Variants in PPP1R2 observed in about 807,000 individuals in gnomAD.
PPP1R2 encodes protein phosphatase inhibitor 2.
Under a neutral mutation model 29.9 loss-of-function variants are expected in PPP1R2, and 16 were observed. The ratio of observed to expected loss-of-function variants is 0.53; its 90% CI spans 0.36 to 0.81. The LOEUF is 0.81. PPP1R2 is among the 30% of genes least tolerant of loss of function. PPP1R2 has a pLI of 0.00. For missense variants in PPP1R2, 197 were observed against 252.7 expected, an observed-to-expected ratio of 0.78 and a Z score of 1.49; for synonymous variants, 76 against 91.5, an observed-to-expected ratio of 0.83 and a Z score of 0.96.
At chr3:195,540,690 G>A (rs907443376) in intron 1 of PPP1R2, among the ~76,000 whole-genome samples, 1 of 152,082 alleles carries the variant, frequency 6.6e-6, no homozygotes, top group Non-Finnish European at 1.5e-5. Flanking sequence ...AGAAGAGGAA[G>A]AGAGACCTGA....
rs567047200 is a variant in PPP1R2, at chr3:195,530,008, C to T, written c.123-107G>A. 50 of 747,046 alleles carry T rather than the reference C, an allele frequency of 6.7e-5. No homozygotes were observed. In the African/African-American group the frequency reaches 7.6e-4, roughly 11 times the overall value. The allele number at this position is 747,046 out of a possible 1,614,324, so 46.3% of individuals were successfully genotyped here. The stretch of plus-strand genomic sequence containing the variant: ...AACATTTCAACTTCTATTTGATGGC[C>T]AACCTCTATTTTCACATATACTTTC... On this transcript the variant is annotated intron_variant, in intron 1 of 5. Coordinates refer to ENST00000618156, the MANE Select transcript of PPP1R2 (RefSeq NM_006241.8).
Position 195,526,617 on chromosome 3 carries a change from T to TTTTTC in PPP1R2, c.231-1726_231-1722dup, listed in dbSNP as rs1718980629. Among the ~76,000 whole-genome samples, 4 of 152,148 alleles carry TTTTTC rather than the reference T, an allele frequency of 2.6e-5. No individual in the cohort carries two copies. In the South Asian group the frequency reaches 8.3e-4, roughly 32 times the overall value. ...AATGGCCATAGCTATTCTGAAATTT[T>TTTTTC]TTTTCTTTTTCTTTAGAGATAAGGT... On this transcript the variant is annotated intron_variant, in intron 2 of 5. Transcript: ENST00000618156.
intron 1 of PPP1R2, among the ~76,000 whole-genome samples, chr3:195,541,039 T>G (rs898262982): frequency 3.3e-5 from 5 of 152,228 alleles, no homozygotes; most frequent in Admixed American, 2.6e-4. Context: ...TAGTTCTCTT[T>G]AAAGACAGGA....
chr3:195,532,220 T>C lies in PPP1R2; in HGVS notation c.123-2319A>G, dbSNP rs199524501. On this transcript the variant is annotated intron_variant, in intron 1 of 5. Transcript: ENST00000618156. ...TAATTTTTCTTTTTCTTTTTCTTTT[T>C]TTTTTTTTTTTTTTACAGGTGGAGT... Among the ~76,000 whole-genome samples, 1,398 of 145,202 alleles carry C rather than the reference T, an allele frequency of 9.6e-3. 23 individuals carry two copies. Among genetic ancestry groups the C allele is most frequent in the African/African-American group, 0.035 (1,331 of 38,492 alleles).
intron 4 of PPP1R2, chr3:195,519,460 T>A: frequency 3.2e-6 from 1 of 313,754 alleles, no homozygotes; most frequent in Non-Finnish European, 5.8e-6. Context: ...ATTAAAGCTA[T>A]GGGAAAATTA....
At chr3:195,526,501 G>A (rs934765489) in intron 2 of PPP1R2, among the ~76,000 whole-genome samples, 11 of 152,204 alleles carry the variant, frequency 7.2e-5, no homozygotes, top group African/African-American at 2.7e-4. Flanking sequence ...CATGCACATA[G>A]CCTCAATTAC....
rs1368623523 is a variant in PPP1R2 at position 195,525,310 on chromosome 3, C to T, written c.231-414G>A. On this transcript the variant is annotated intron_variant, in intron 2 of 5. Transcript: ENST00000618156. ...ACATTTTATTAGGTAATATAACTAACACAGAGATGATTTAACACATACAGG... is the reference window on the plus strand; with the variant it reads ...ACATTTTATTAGGTAATATAACTAATACAGAGATGATTTAACACATACAGG... Among the ~76,000 whole-genome samples the T allele has an allele frequency of 4.0e-5, 6 of 151,898 alleles. No homozygotes were observed. In the East Asian group the frequency reaches 1.2e-3, roughly 29 times the overall value.
chr3:195,523,702 A>T lies in PPP1R2; in HGVS notation c.393T>A (p.Pro131=). ...AAGGAAATAAACTACCTCGTTCTTC[A>T]GGTGAGAGGTCACTATCCTCCTCTC... ...SSGEEDSDLS[P]EEREKKRQFE... is the part of the protein sequence containing the mutation. The change falls in exon 4 of 6, where the codon CCT becomes CCA. Residue 131 remains proline, a synonymous_variant. Coordinates refer to ENST00000618156, the MANE Select transcript of PPP1R2 (RefSeq NM_006241.8). 4 of 1,613,506 alleles carry T rather than the reference A, an allele frequency of 2.5e-6. No homozygotes were observed. The highest frequency in any genetic ancestry group is 3.4e-6 in the Non-Finnish European group (4 of 1,179,466).
chr3:195,533,074 C>A (rs550048912), intron 1 of PPP1R2, among the ~76,000 whole-genome samples: 1 of 152,020 alleles, frequency 6.6e-6, no homozygotes, highest in African/African-American at 2.4e-5. Context: ...CTCTATGATG[C>A]GGCCAGGCAC....
In PPP1R2 at chr3:195,528,700, CTATT is replaced by C. The variant is rs1212954748; in HGVS notation, c.230+1090_230+1093del. 10 of 76,656 alleles carry C rather than the reference CTATT, an allele frequency of 1.3e-4. No homozygotes were observed. The East Asian group carries it at 6.4e-3, about 49-fold the overall frequency. The allele number at this position is 76,656 out of a possible 1,614,324, so 4.7% of individuals were successfully genotyped here. Reference sequence around the variant, plus strand: ...TCAATACAAGGTAGGTAGGGCATAACTATTTTTTTTTTTTTTTTTTTTTTTTTTT... The same window carrying C: ...TCAATACAAGGTAGGTAGGGCATAACTTTTTTTTTTTTTTTTTTTTTTTTT... On this transcript the variant is annotated intron_variant, in intron 2 of 5. Coordinates refer to ENST00000618156, the MANE Select transcript of PPP1R2 (RefSeq NM_006241.8).
In PPP1R2 at chr3:195,523,717, ATCC is replaced by A; in HGVS notation, c.375_377del (p.Glu125del). The A allele has an allele frequency of 6.2e-7, 1 of 1,614,048 alleles. No individual in the cohort carries two copies. The highest frequency in any genetic ancestry group is 2.2e-5 in the East Asian group (1 of 44,880). On this transcript the variant is annotated inframe_deletion, in exon 4 of 6. Coordinates refer to ENST00000618156, the MANE Select transcript of PPP1R2 (RefSeq NM_006241.8). ...CTCGTTCTTCAGGTGAGAGGTCACT[ATCC>A]TCCTCTCCACTGCTTTCTTGTTCCT...
intron 1 of PPP1R2, among the ~76,000 whole-genome samples, chr3:195,542,048 G>C (rs1210920913): frequency 6.6e-6 from 1 of 152,144 alleles, no homozygotes; most frequent in East Asian, 1.9e-4. Flanking sequence ...AGAAAGTAGA[G>C]TCCTTCTATT....
chr3:195,524,770 C>T (rs776348222), intron 3 of PPP1R2, 49 bp downstream of exon 3: 28 of 1,571,528 alleles, frequency 1.8e-5, no homozygotes, highest in East Asian at 9.0e-5. Context: ...CAACTCTGCA[C>T]GATTATAAAC....
At chr3:195,531,045 A>T (rs1158523154) in intron 1 of PPP1R2, among the ~76,000 whole-genome samples, 2 of 145,520 alleles carry the variant, frequency 1.4e-5, no homozygotes, top group Non-Finnish European at 3.0e-5. Context: ...CTGGTCTTGA[A>T]CTCCTGACCT....
chr3:195,519,381 A>C, intron 4 of PPP1R2, 196 bp from the exon 5 acceptor site: 1 of 464,942 alleles, frequency 2.2e-6, no homozygotes, highest in Non-Finnish European at 3.7e-6. Flanking sequence ...AATATTTACT[A>C]TCTGGCATTC....
intron 2 of PPP1R2, among the ~76,000 whole-genome samples, chr3:195,526,790 T>C (rs1406455736): frequency 6.6e-6 from 1 of 152,020 alleles, no homozygotes; most frequent in Non-Finnish European, 1.5e-5. Context: ...AATTTTACTT[T>C]TTTTATTTGA....
chr3:195,524,248 G>A (rs780215490), intron 3 of PPP1R2, among the ~76,000 whole-genome samples: 3 of 152,164 alleles, frequency 2.0e-5, no homozygotes, highest in African/African-American at 4.8e-5. Flanking sequence ...GGGGCCAGGC[G>A]CGGTGGTTCA....
At chr3:195,517,973 A>T (rs1019155193) in intron 5 of PPP1R2, among the ~76,000 whole-genome samples, 2 of 152,224 alleles carry the variant, frequency 1.3e-5, no homozygotes, top group African/African-American at 4.8e-5. Context: ...TATGCTTACC[A>T]AAATGGTAAT....
At position 195,515,873 on chromosome 3, in the gene PPP1R2, T is replaced by C. The variant is rs936595242; in HGVS notation, c.*1023A>G. 2 of 152,152 alleles carry C rather than the reference T, an allele frequency of 1.3e-5. No homozygotes were observed. Among genetic ancestry groups the C allele is most frequent in the African/African-American group, 4.8e-5 (2 of 41,452 alleles). 9.4% of individuals were successfully genotyped at this position (152,152 alleles called of 1,614,324 possible). A position where few individuals can be genotyped will look rare whatever the true frequency, so the allele number is the denominator to read the frequency against. ...AGGTATAGAAATTCAGCAGCTAAAC[T>C]GTATTTCCCACCTATAGCACTGCTG... On this transcript the variant is annotated 3_prime_UTR_variant, in exon 6 of 6. Coordinates refer to ENST00000618156, the MANE Select transcript of PPP1R2 (RefSeq NM_006241.8).
Sources: gnomAD v4.1 joint callset for allele counts (sites outside exome capture counted in the v4.1 genomes callset) on GRCh38, gnomAD v4.1.1 for gene constraint, MANE v1.5 for transcripts, NCBI Gene and HGNC (gene_info 2026-07-23, HGNC 2026-07-21) for gene names.